CDK14: variants seen among roughly 807,000 people sequenced by gnomAD.
CDK14 encodes cyclin-dependent kinase 14.
Under a neutral mutation model 60.7 loss-of-function variants are expected in CDK14, and 34 were observed. The ratio of observed to expected loss-of-function variants is 0.56; its 90% CI spans 0.43 to 0.75. CDK14 has a LOEUF of 0.75. CDK14 is among the 30% of genes least tolerant of loss of function. The pLI is 0.00. For missense variants in CDK14, 482 were observed against 564.1 expected, an observed-to-expected ratio of 0.85 and a Z score of 1.47; for synonymous variants, 197 against 203.7, an observed-to-expected ratio of 0.97 and a Z score of 0.28.
intron 14 of CDK14, among the ~76,000 whole-genome samples, chr7:91,133,668 C>T (rs1485432805): frequency 6.6e-6 from 1 of 151,966 alleles, no homozygotes; most frequent in Non-Finnish European, 1.5e-5. Context: ...CTGCTGTGTC[C>T]TTACTTTAAC....
intron 6 of CDK14, among the ~76,000 whole-genome samples, chr7:90,891,261 C>T (rs575377716): frequency 6.6e-6 from 1 of 152,240 alleles, no homozygotes; most frequent in East Asian, 1.9e-4. Context: ...AATCAGATGG[C>T]ATGTATACCC....
At chr7:90,776,373 A>G (rs1032846051) in intron 4 of CDK14, among the ~76,000 whole-genome samples, 1 of 152,222 alleles carries the variant, frequency 6.6e-6, no homozygotes, top group Non-Finnish European at 1.5e-5. Context: ...TTCTCTTCAA[A>G]GTCCTGAGAA....
chr7:91,056,660 T>C (rs1399948744), intron 11 of CDK14, among the ~76,000 whole-genome samples: 1 of 151,938 alleles, frequency 6.6e-6, no homozygotes, highest in Middle Eastern at 3.2e-3. Flanking sequence ...CATGCAGTGT[T>C]TGGTTTTTTG....
chr7:91,076,035 C>T (rs2116203712), intron 11 of CDK14, among the ~76,000 whole-genome samples: 1 of 151,534 alleles, frequency 6.6e-6, no homozygotes, highest in Non-Finnish European at 1.5e-5. Context: ...TGAAAATGGC[C>T]ATACTCCCCA....
At chr7:90,747,014 A>G (rs1584851801) in intron 3 of CDK14, among the ~76,000 whole-genome samples, 2 of 152,332 alleles carry the variant, frequency 1.3e-5, no homozygotes, top group East Asian at 3.9e-4. Flanking sequence ...TTTGTCAGCC[A>G]TATGATCTGT....
At chr7:91,137,987 G>A (rs1257295560) in intron 14 of CDK14, among the ~76,000 whole-genome samples, 1 of 152,144 alleles carries the variant, frequency 6.6e-6, no homozygotes, top group African/African-American at 2.4e-5. Context: ...AACATGGCAA[G>A]CTTAAACTAA....
chr7:90,807,104 G>GCTTTGAAGAGAGTAGTGGTTCT (rs1788877308), intron 5 of CDK14, among the ~76,000 whole-genome samples: 1 of 152,224 alleles, frequency 6.6e-6, no homozygotes, highest in South Asian at 2.1e-4. Context: ...CTGTCTGACA[G>GCTTTGAAGAGAGTAGTGGTTCT]CTTTGAAGAG....
intron 6 of CDK14, among the ~76,000 whole-genome samples, chr7:90,872,021 C>T (rs1029130673): frequency 6.6e-6 from 1 of 152,174 alleles, no homozygotes; most frequent in African/African-American, 2.4e-5. Context: ...ACTTTTTTCC[C>T]TCCAACATAT....
intron 13 of CDK14, among the ~76,000 whole-genome samples, chr7:91,113,352 C>G (rs1294022415): frequency 1.3e-5 from 2 of 152,180 alleles, no homozygotes; most frequent in Non-Finnish European, 2.9e-5. Flanking sequence ...AAACACATTC[C>G]TGGGTGGGTT....
At chr7:90,875,102 C>A (rs1283530406) in intron 6 of CDK14, among the ~76,000 whole-genome samples, 3 of 152,182 alleles carry the variant, frequency 2.0e-5, no homozygotes, top group African/African-American at 7.2e-5. Context: ...TAAATGGAAT[C>A]ATAATAATAT....
At chr7:90,699,241 A>C (rs555686287) in intron 2 of CDK14, among the ~76,000 whole-genome samples, 1 of 152,354 alleles carries the variant, frequency 6.6e-6, no homozygotes. Flanking sequence ...GATCTGAACC[A>C]AGAGAACCAA....
At chr7:91,201,167 G>A (rs1310656021) in intron 14 of CDK14, among the ~76,000 whole-genome samples, 1 of 152,094 alleles carries the variant, frequency 6.6e-6, no homozygotes, top group Non-Finnish European at 1.5e-5. Flanking sequence ...AATACATAAA[G>A]CTAAATTTGA....
chr7:90,783,020 CAG>C (rs1216933853), intron 4 of CDK14, among the ~76,000 whole-genome samples: 1 of 152,014 alleles, frequency 6.6e-6, no homozygotes, highest in African/African-American at 2.4e-5. Flanking sequence ...CCTTGGTTGA[CAG>C]ATTTTATTTT....
At chr7:91,180,171 G>A (rs143710301) in intron 14 of CDK14, among the ~76,000 whole-genome samples, 1 of 152,134 alleles carries the variant, frequency 6.6e-6, no homozygotes, top group East Asian at 1.9e-4. Context: ...CATGATTAAC[G>A]CAATCAGAGA....
At chr7:90,738,337 G>A (rs554240191) in intron 3 of CDK14, among the ~76,000 whole-genome samples, 94 of 152,256 alleles carry the variant, frequency 6.2e-4, no homozygotes, top group African/African-American at 2.2e-3. Flanking sequence ...AAAATGATTA[G>A]CTTAAGGTCT....
At chr7:91,131,581 G>A (rs1800118984) in intron 14 of CDK14, among the ~76,000 whole-genome samples, 1 of 152,152 alleles carries the variant, frequency 6.6e-6, no homozygotes, top group South Asian at 2.1e-4. Flanking sequence ...ATGAAAATGG[G>A]TGGAAATGGA....
intron 8 of CDK14, among the ~76,000 whole-genome samples, chr7:90,949,874 A>AAAAC (rs955355448): frequency 3.3e-5 from 5 of 152,318 alleles, no homozygotes; most frequent in East Asian, 1.9e-4. Flanking sequence ...ATGTATTTAA[A>AAAAC]AAACAAACAA....
intron 8 of CDK14, among the ~76,000 whole-genome samples, chr7:90,933,553 A>G (rs1050477167): frequency 6.6e-6 from 1 of 152,230 alleles, no homozygotes; most frequent in African/African-American, 2.4e-5. Context: ...GCTCACTGAG[A>G]AAATAGACAA....
chr7:91,013,972 A>G (rs1796235232), intron 10 of CDK14, among the ~76,000 whole-genome samples: 1 of 151,922 alleles, frequency 6.6e-6, no homozygotes, highest in Non-Finnish European at 1.5e-5. Flanking sequence ...ATAGTTACAT[A>G]TGTGGTGAGA....
Sources: gnomAD v4.1 joint callset for allele counts (sites outside exome capture counted in the v4.1 genomes callset) on GRCh38, gnomAD v4.1.1 for gene constraint, MANE v1.5 for transcripts, NCBI Gene and HGNC (gene_info 2026-07-23, HGNC 2026-07-21) for gene names.